Variants in PCDHGA2 observed in about 807,000 individuals in gnomAD.
The protein encoded by PCDHGA2 is protocadherin gamma-A2.
A neutral mutation model predicts 59.2 loss-of-function variants in PCDHGA2; 40 were observed. That is an observed-to-expected ratio of 0.68 (90% CI 0.52 to 0.88). The LOEUF is 0.88. Ranked by LOEUF, PCDHGA2 falls within the 40% of genes least tolerant of loss-of-function variation. The probability of loss-of-function intolerance (pLI) is 0.00; values close to 1 mark genes in which losing one functional copy is unlikely to be tolerated. For synonymous variants in PCDHGA2, 560 were observed against 526.0 expected (o/e 1.06, Z -0.89); for missense variants, 1,226 against 1,204.0 (o/e 1.02, Z -0.27).
chr5:141,419,746 G>A (rs1561783927), intron 1 of PCDHGA2: 2 of 1,613,896 alleles, frequency 1.2e-6, no homozygotes, highest in Admixed American at 1.7e-5. Context: ...TGCGCATGGT[G>A]CGTGCTTTGG....
Position 141,422,492 on chromosome 5 carries a change from C to T in PCDHGA2, c.2425-72315C>T, listed in dbSNP as rs747903569. 2.5e-6 allele frequency: 4 copies of T among 1,613,934 alleles called. No homozygotes were observed. The East Asian group carries it at 6.7e-5, about 27-fold the overall frequency. ...GAGTTGGTCCAGAGCTACAATATAA[C>T]GTTGACAGCCACAGACCAGGGAAGC... On this transcript the variant is annotated intron_variant, in intron 1 of 3. Coordinates refer to ENST00000394576, the MANE Select transcript of PCDHGA2 (RefSeq NM_018915.4).
chr5:141,400,513 C>A, intron 1 of PCDHGA2: 1 of 1,613,994 alleles, frequency 6.2e-7, no homozygotes, highest in Non-Finnish European at 8.5e-7. Context: ...GTCGACTTCC[C>A]ATCCTGAGTT....
chr5:141,365,875 T>C (rs1408418320), intron 1 of PCDHGA2: 1 of 1,614,106 alleles, frequency 6.2e-7, no homozygotes, highest in South Asian at 1.1e-5. Flanking sequence ...GTGTCCTGTA[T>C]GCTCTGAGAT....
intron 1 of PCDHGA2, among the ~76,000 whole-genome samples, chr5:141,373,452 G>A (rs1032272285): frequency 6.6e-6 from 1 of 152,218 alleles, no homozygotes; most frequent in South Asian, 2.1e-4. Context: ...GATCCCAGGA[G>A]GTAGCAGCTG....
At chr5:141,360,282 C>T (rs777627634) in intron 1 of PCDHGA2, 1 of 1,613,984 alleles carries the variant, frequency 6.2e-7, no homozygotes, top group Non-Finnish European at 8.5e-7. Flanking sequence ...TCGTAGGAAA[C>T]CTCGCCAAGG....
In PCDHGA2 at chr5:141,419,332, C is replaced by T. The variant is rs1356380695; in HGVS notation, c.2425-75475C>T. On this transcript the variant is annotated intron_variant, in intron 1 of 3. Transcript: ENST00000394576. Reference sequence around the variant, plus strand: ...TCAACGGCCGTGTCTCCTACTCTCTCATTGCCAGCGACCTGGAGTCACGAA... The same window carrying T: ...TCAACGGCCGTGTCTCCTACTCTCTTATTGCCAGCGACCTGGAGTCACGAA... 3.7e-6 allele frequency: 6 copies of T among 1,613,832 alleles called. No individual in the cohort carries two copies. The Admixed American group carries it at 8.3e-5, about 22-fold the overall frequency.
At chr5:141,349,241 T>C (rs576818086) in intron 1 of PCDHGA2, among the ~76,000 whole-genome samples, 2 of 98,110 alleles carry the variant, frequency 2.0e-5, no homozygotes, top group Non-Finnish European at 3.7e-5. Flanking sequence ...GGATAATTTT[T>C]ATTTTTTTTA....
chr5:141,371,540 C>G, intron 1 of PCDHGA2: 1 of 1,613,730 alleles, frequency 6.2e-7, no homozygotes, highest in East Asian at 2.2e-5. Flanking sequence ...ATGGAGAAAT[C>G]CTATGCCAAC....
intron 1 of PCDHGA2, chr5:141,399,510 C>T: frequency 6.2e-7 from 1 of 1,614,040 alleles, no homozygotes; most frequent in Non-Finnish European, 8.5e-7. Context: ...CCGAAAACAA[C>T]CCTCCTGGGG....
intron 1 of PCDHGA2, chr5:141,375,003 TA>T: frequency 6.2e-7 from 1 of 1,614,054 alleles, no homozygotes; most frequent in Non-Finnish European, 8.5e-7. Flanking sequence ...TCTGCAAATC[TA>T]GACTATGAGG....
chr5:141,431,904 T>A lies in PCDHGA2; in HGVS notation c.2425-62903T>A. On this transcript the variant is annotated intron_variant, in intron 1 of 3. Transcript: ENST00000394576. The surrounding 1 kb of genome is among the most constrained non-coding windows in gnomAD (Gnocchi z 4.8). ...CAAGATTCTGAGGAAAACGGACAGG[T>A]GATCTGTTTCATCCAAGGAAATCTG... is the stretch of plus-strand genomic sequence containing the variant. 1 of 1,613,846 alleles carries A rather than the reference T, an allele frequency of 6.2e-7. No individual in the cohort carries two copies. Among genetic ancestry groups the A allele is most frequent in the Non-Finnish European group, 8.5e-7 (1 of 1,179,708 alleles).
intron 1 of PCDHGA2, chr5:141,364,725 G>A (rs775854228): frequency 1.9e-6 from 3 of 1,613,828 alleles, no homozygotes; most frequent in African/African-American, 2.7e-5. Context: ...AACTTCCCGC[G>A]TTTCCGGGAT....
intron 1 of PCDHGA2, chr5:141,344,306 C>G (rs1434323489): frequency 1.2e-6 from 2 of 1,614,044 alleles, no homozygotes; most frequent in Non-Finnish European, 8.5e-7. Context: ...AGAGGATAGA[C>G]CGGGAGGAGC....
At chr5:141,467,906 A>T (rs917983299) in intron 1 of PCDHGA2, among the ~76,000 whole-genome samples, 5 of 152,002 alleles carry the variant, frequency 3.3e-5, no homozygotes, top group African/African-American at 9.7e-5. Flanking sequence ...AAATCCGCCC[A>T]CCTCAGCCTC....
chr5:141,388,395 C>G (rs1445370262), intron 1 of PCDHGA2: 2 of 1,613,810 alleles, frequency 1.2e-6, no homozygotes, highest in Non-Finnish European at 8.5e-7. Flanking sequence ...GCAGAATTAC[C>G]AACTCAGTCC....
rs924190698 is a variant in PCDHGA2, at chr5:141,344,586, G to A, written c.2424+3191G>A. ...CTACTTCTCTCTGGCTGTGAATAGC[G>A]TCTCTGAGGGGGCCAAGTATCCAGA... On this transcript the variant is annotated intron_variant, in intron 1 of 3. Transcript: ENST00000394576. 6 of 1,613,990 alleles carry A rather than the reference G, an allele frequency of 3.7e-6. No individual in the cohort carries two copies. Among genetic ancestry groups the A allele is most frequent in the African/African-American group, 1.3e-5 (1 of 75,038 alleles).
intron 1 of PCDHGA2, chr5:141,350,091 G>A: frequency 2.2e-6 from 1 of 457,656 alleles, no homozygotes; most frequent in East Asian, 3.4e-5. Flanking sequence ...AGGAGCGTCA[G>A]GCAGGGTGCC....
intron 1 of PCDHGA2, among the ~76,000 whole-genome samples, chr5:141,363,223 A>T (rs1253518167): frequency 6.6e-6 from 1 of 152,164 alleles, no homozygotes; most frequent in Non-Finnish European, 1.5e-5. Context: ...AAATCTTACA[A>T]CCTATGTTCA....
rs146358809 is a variant in PCDHGA2, at chr5:141,480,913, C to T, written c.2425-13894C>T. 4.1e-3 allele frequency among the ~76,000 whole-genome samples: 617 copies of T among 152,096 alleles called. 6 individuals are homozygous for T. Among genetic ancestry groups the T allele is most frequent in the Admixed American group, 0.011 (171 of 15,272 alleles). ...TGCAAACATTAGCTGGGCATGGTGG[C>T]GCATACCTGTAGTCCCAGCTACTCT... On this transcript the variant is annotated intron_variant, in intron 1 of 3. Transcript: ENST00000394576.
Sources: allele counts gnomAD v4.1 joint callset (sites outside exome capture counted in the v4.1 genomes callset), GRCh38; gene constraint gnomAD v4.1.1; non-coding constraint Gnocchi (gnomAD v3.1); transcripts MANE v1.5; gene names NCBI Gene and HGNC (gene_info 2026-07-23, HGNC 2026-07-21).